The following KCNB2 variants were observed in gnomAD, a reference collection of about 807,000 sequenced individuals.
KCNB2 encodes delayed rectifier potassium channel protein.
In KCNB2, 15 loss-of-function variants were observed where a neutral mutation model predicts 61.5. That is an observed-to-expected ratio of 0.24 (90% CI 0.16 to 0.38). The LOEUF (loss-of-function observed/expected upper bound fraction) is 0.38, where lower values mean the gene tolerates loss of function less well. Ranked by LOEUF, KCNB2 falls within the 10% of genes least tolerant of loss-of-function variation. The pLI is 1.00. For synonymous variants in KCNB2, 457 were observed against 446.0 expected (o/e 1.02, Z -0.31); for missense variants, 828 against 1,125.2 (o/e 0.74, Z 3.78).
At chr8:72,715,667 T>A (rs1174804359) in intron 2 of KCNB2, among the ~76,000 whole-genome samples, 1 of 150,988 alleles carries the variant, frequency 6.6e-6, no homozygotes, top group East Asian at 1.9e-4. Context: ...AAGCAGCGTG[T>A]AGAGGGAAAT....
intron 2 of KCNB2, among the ~76,000 whole-genome samples, chr8:72,771,086 G>A (rs539921145): frequency 6.6e-6 from 1 of 152,362 alleles, no homozygotes; most frequent in South Asian, 2.1e-4. Context: ...TCAAGCTGAA[G>A]TCTGTGGTTT....
intron 2 of KCNB2, among the ~76,000 whole-genome samples, chr8:72,684,591 T>C (rs1162917663): frequency 6.6e-6 from 1 of 152,016 alleles, no homozygotes; most frequent in African/African-American, 2.4e-5. Flanking sequence ...GATAAGAAGG[T>C]TTGAGAAATC....
intron 2 of KCNB2, among the ~76,000 whole-genome samples, chr8:72,793,080 C>T (rs1396858286): frequency 6.6e-6 from 1 of 152,082 alleles, no homozygotes; most frequent in Non-Finnish European, 1.5e-5. Context: ...CTGGATTTTC[C>T]AGTACAGCAT....
intron 2 of KCNB2, among the ~76,000 whole-genome samples, chr8:72,864,670 T>A (rs973397310): frequency 3.9e-5 from 6 of 152,180 alleles, no homozygotes; most frequent in Admixed American, 3.3e-4. Flanking sequence ...AATAGAGATA[T>A]GGAAAGTAGC....
chr8:72,609,632 T>C (rs1805506995), intron 2 of KCNB2, among the ~76,000 whole-genome samples: 1 of 152,176 alleles, frequency 6.6e-6, no homozygotes, highest in Non-Finnish European at 1.5e-5. Flanking sequence ...GGAATTTACA[T>C]CAGAATCTGG....
At chr8:72,916,338 AGCT>A (rs1326661584) in intron 2 of KCNB2, among the ~76,000 whole-genome samples, 1 of 152,174 alleles carries the variant, frequency 6.6e-6, no homozygotes, top group African/African-American at 2.4e-5. Context: ...GGAACTAGCC[AGCT>A]GCTTCACTGG....
chr8:72,671,643 C>T (rs1806567442), intron 2 of KCNB2, among the ~76,000 whole-genome samples: 1 of 152,136 alleles, frequency 6.6e-6, no homozygotes, highest in African/African-American at 2.4e-5. Context: ...TCTAGTTTCT[C>T]TTTCAATGTG....
chr8:72,682,991 T>G (rs904330785), intron 2 of KCNB2, among the ~76,000 whole-genome samples: 6 of 152,192 alleles, frequency 3.9e-5, no homozygotes, highest in African/African-American at 1.2e-4. Flanking sequence ...CTAGAAAAAG[T>G]TGTTTTGTGT....
intron 1 of KCNB2, among the ~76,000 whole-genome samples, chr8:72,544,499 T>G (rs1395788498): frequency 6.6e-6 from 1 of 152,018 alleles, no homozygotes; most frequent in Non-Finnish European, 1.5e-5. Context: ...TAGTTAGGAG[T>G]CTTTCAAGGA....
chr8:72,857,655 A>G (rs1195451792), intron 2 of KCNB2, among the ~76,000 whole-genome samples: 1 of 152,146 alleles, frequency 6.6e-6, no homozygotes, highest in African/African-American at 2.4e-5. Context: ...GGCAGACAAG[A>G]GTGGAGAAGA....
chr8:72,544,078 T>C (rs1806227331), intron 1 of KCNB2, among the ~76,000 whole-genome samples: 2 of 152,222 alleles, frequency 1.3e-5, no homozygotes, highest in African/African-American at 4.8e-5. Flanking sequence ...CTACGTGGGA[T>C]AGTCAGACAG....
chr8:72,810,803 G>C (rs959326562), intron 2 of KCNB2, among the ~76,000 whole-genome samples: 3 of 152,138 alleles, frequency 2.0e-5, no homozygotes, highest in Non-Finnish European at 2.9e-5. Flanking sequence ...CTTGATGTTT[G>C]GCAGAGGAAA....
At chr8:72,840,259 C>T (rs1433117576) in intron 2 of KCNB2, among the ~76,000 whole-genome samples, 3 of 152,194 alleles carry the variant, frequency 2.0e-5, no homozygotes, top group Non-Finnish European at 2.9e-5. Context: ...TTTGTGGTTG[C>T]ATAGTATTCC....
At chr8:72,795,992 C>T (rs1456039518) in intron 2 of KCNB2, among the ~76,000 whole-genome samples, 1 of 152,162 alleles carries the variant, frequency 6.6e-6, no homozygotes, top group African/African-American at 2.4e-5. Context: ...AAACCATTGT[C>T]CAACTTGCAA....
intron 2 of KCNB2, among the ~76,000 whole-genome samples, chr8:72,801,860 C>T (rs927629327): frequency 1.3e-5 from 2 of 151,964 alleles, no homozygotes; most frequent in Admixed American, 1.3e-4. Flanking sequence ...CAAAAAACAG[C>T]AACCTGCCCT....
intron 2 of KCNB2, among the ~76,000 whole-genome samples, chr8:72,572,572 G>GTC (rs61567106): frequency 0.13 from 19,133 of 149,518 alleles, 1,441 homozygotes; most frequent in East Asian, 0.27. Flanking sequence ...CTCTCTCTGC[G>GTC]TCTCTCTCTC....
intron 2 of KCNB2, among the ~76,000 whole-genome samples, chr8:72,791,932 T>C (rs1484474952): frequency 6.6e-6 from 1 of 152,212 alleles, no homozygotes; most frequent in African/African-American, 2.4e-5. Flanking sequence ...ACTTCTTTAG[T>C]ACTTATTATA....
intron 2 of KCNB2, among the ~76,000 whole-genome samples, chr8:72,928,399 T>C (rs748154854): frequency 5.9e-4 from 89 of 152,064 alleles, no homozygotes; most frequent in Admixed American, 2.2e-3. Flanking sequence ...TTTCACCATG[T>C]TGGCCAGGCT....
intron 2 of KCNB2, among the ~76,000 whole-genome samples, chr8:72,778,840 T>A (rs1438343416): frequency 6.8e-6 from 1 of 147,722 alleles, no homozygotes; most frequent in African/African-American, 2.5e-5. Flanking sequence ...GTTCGAGATA[T>A]CAGAGTCATA....
Sources: gnomAD v4.1 joint callset for allele counts (sites outside exome capture counted in the v4.1 genomes callset) on GRCh38, gnomAD v4.1.1 for gene constraint, MANE v1.5 for transcripts, NCBI Gene and HGNC (gene_info 2026-07-23, HGNC 2026-07-21) for gene names.